Variants in DNAH5 observed in about 807,000 individuals in gnomAD.
DNAH5 encodes axonemal beta dynein heavy chain 5.
In DNAH5, 372 loss-of-function variants were observed where a neutral mutation model predicts 518.2. The ratio of observed to expected loss-of-function variants is 0.72; its 90% CI spans 0.66 to 0.78. The LOEUF is 0.78. Among genes scored for constraint, DNAH5 ranks in the 30% least tolerant of loss-of-function variants. The pLI, the probability that DNAH5 is intolerant of heterozygous loss-of-function variation, is 0.00. For missense variants in DNAH5, 5,523 were observed against 5,687.0 expected, an observed-to-expected ratio of 0.97 and a Z score of 0.93; for synonymous variants, 2,039 against 2,025.9, an observed-to-expected ratio of 1.01 and a Z score of -0.17.
rs1379308215 is a variant in DNAH5 at position 13,707,811 on chromosome 5, G to T, written c.13338+312C>A. Among the ~76,000 whole-genome samples the T allele has an allele frequency of 6.6e-6, 1 of 152,082 alleles. No individual in the cohort carries two copies. Among genetic ancestry groups the T allele is most frequent in the Non-Finnish European group, 1.5e-5 (1 of 68,020 alleles). ...TAAATTCTGATTCTTGGACTACTTA[G>T]ATGTGTAATCTGAGAAAAGACTTAA... On this transcript the variant is annotated intron_variant, in intron 76 of 78. Transcript: ENST00000265104. This position sits in a 1 kb window ranked among gnomAD's most constrained non-coding sequence, Gnocchi z 4.0.
chr5:13,864,280 CAGG>C (rs1275854160), intron 28 of DNAH5, 114 bp downstream of exon 28: 11 of 1,400,734 alleles, frequency 7.9e-6, no homozygotes, highest in Admixed American at 6.8e-5. Flanking sequence ...GGCTGAATGC[CAGG>C]AGAAGAGTTT....
chr5:13,936,985 G>C (rs1010784376), intron 1 of DNAH5, among the ~76,000 whole-genome samples: 1 of 152,012 alleles, frequency 6.6e-6, no homozygotes, highest in Admixed American at 6.6e-5. Flanking sequence ...GCTTGGTTCT[G>C]TTAGTCATCA....
intron 1 of DNAH5, among the ~76,000 whole-genome samples, chr5:13,942,655 T>C (rs1273990063): frequency 6.6e-6 from 1 of 152,100 alleles, no homozygotes; most frequent in Non-Finnish European, 1.5e-5. Context: ...ACGTGCTGTC[T>C]CATCCCCCTG....
intron 1 of DNAH5, among the ~76,000 whole-genome samples, chr5:14,006,568 G>A (rs1218419298): frequency 6.6e-6 from 1 of 152,110 alleles, no homozygotes; most frequent in African/African-American, 2.4e-5. Flanking sequence ...GATCATATCG[G>A]ATTGGAGCCC....
chr5:13,935,131 C>T (rs564757646), intron 1 of DNAH5, among the ~76,000 whole-genome samples: 10 of 152,256 alleles, frequency 6.6e-5, no homozygotes, highest in Admixed American at 6.5e-4. Context: ...AAGAAGTAGA[C>T]AGCCAGAAGA....
intron 1 of DNAH5, among the ~76,000 whole-genome samples, chr5:13,973,987 C>T (rs1782055143): frequency 6.6e-6 from 1 of 152,134 alleles, no homozygotes. Context: ...ATGTGATCAT[C>T]CTCACTTTTC....
intron 40 of DNAH5, among the ~76,000 whole-genome samples, chr5:13,822,156 T>C (rs1762314547): frequency 6.6e-6 from 1 of 151,972 alleles, no homozygotes; most frequent in African/African-American, 2.4e-5. Context: ...TTATCACTCT[T>C]ACCTCATCAG....
At chr5:13,732,984 C>T (rs922575395) in intron 68 of DNAH5, among the ~76,000 whole-genome samples, 1 of 152,124 alleles carries the variant, frequency 6.6e-6, no homozygotes, top group African/African-American at 2.4e-5. Context: ...AGCAGTGTTA[C>T]AAACAGCTGT....
At chr5:13,973,721 TAA>T (rs55645869) in intron 1 of DNAH5, among the ~76,000 whole-genome samples, 57,846 of 145,080 alleles carry the variant, frequency 0.4, 11,878 homozygotes, top group South Asian at 0.48. Flanking sequence ...TCACTTATGT[TAA>T]AAAAAAAAAA....
chr5:13,920,440 A>G, intron 6 of DNAH5, 40 bp downstream of exon 6: 1 of 1,613,108 alleles, frequency 6.2e-7, no homozygotes, highest in Non-Finnish European at 8.5e-7. Context: ...TAGCGCAGTA[A>G]TGTGGCACCT....
intron 78 of DNAH5, 135 bp from the exon 79 acceptor site, chr5:13,692,270 C>G: frequency 1.0e-6 from 1 of 987,902 alleles, no homozygotes; most frequent in Non-Finnish European, 1.6e-6. Context: ...GACATTCTTT[C>G]TGAGGTCAGG....
chr5:13,826,610 C>T (rs1421641945), intron 38 of DNAH5, among the ~76,000 whole-genome samples: 1 of 152,314 alleles, frequency 6.6e-6, no homozygotes, highest in East Asian at 1.9e-4. Flanking sequence ...TCCCCTTCTG[C>T]CACAATTGTA....
chr5:13,838,729 C>T (rs1443024099), intron 35 of DNAH5, among the ~76,000 whole-genome samples: 2 of 152,052 alleles, frequency 1.3e-5, no homozygotes, highest in African/African-American at 4.8e-5. Flanking sequence ...TGAATCAACC[C>T]GAAACCATCA....
At chr5:13,924,447 G>A (rs1392618891) in intron 3 of DNAH5, among the ~76,000 whole-genome samples, 5 of 152,008 alleles carry the variant, frequency 3.3e-5, no homozygotes, top group African/African-American at 4.8e-5. Flanking sequence ...AGGCCGAGGC[G>A]GGTGAATCAC....
chr5:13,815,237 G>T (rs1286113104), intron 42 of DNAH5, among the ~76,000 whole-genome samples: 1 of 152,140 alleles, frequency 6.6e-6, no homozygotes, highest in Non-Finnish European at 1.5e-5. Context: ...GTAGAATGAG[G>T]GCATGGGGCA....
At chr5:13,777,410 G>C in intron 53 of DNAH5, 55 bp from the exon 54 acceptor site, 1 of 1,549,414 alleles carries the variant, frequency 6.5e-7, no homozygotes, top group Non-Finnish European at 8.9e-7. Flanking sequence ...GAGAGGGAAA[G>C]AACCTTGTAA....
At chr5:13,718,794 G>T in intron 72 of DNAH5, 88 bp downstream of exon 72, 1 of 1,113,356 alleles carries the variant, frequency 9.0e-7, no homozygotes, top group Non-Finnish European at 1.4e-6. Context: ...TGCTATAACT[G>T]TATCCTAGCT....
intron 68 of DNAH5, among the ~76,000 whole-genome samples, chr5:13,730,676 T>C (rs1461054882): frequency 2.7e-5 from 4 of 150,532 alleles, no homozygotes; most frequent in African/African-American, 9.7e-5. Flanking sequence ...CCTCGTGGTC[T>C]GCCCACCTCG....
At chr5:13,780,418 T>C (rs866674979) in intron 53 of DNAH5, among the ~76,000 whole-genome samples, 3 of 152,190 alleles carry the variant, frequency 2.0e-5, no homozygotes, top group African/African-American at 4.8e-5. Flanking sequence ...GCTTGACACA[T>C]AGGCAGTGTT....
Sources: allele counts gnomAD v4.1 joint callset (sites outside exome capture counted in the v4.1 genomes callset), GRCh38; gene constraint gnomAD v4.1.1; non-coding constraint Gnocchi (gnomAD v3.1); transcripts MANE v1.5; gene names NCBI Gene and HGNC (gene_info 2026-07-23, HGNC 2026-07-21).